Variants in FHIT observed in about 807,000 individuals in gnomAD.
FHIT encodes the protein bis(5'-adenosyl)-triphosphatase.
Under a neutral mutation model 17.9 loss-of-function variants are expected in FHIT, and 19 were observed. The ratio of observed to expected loss-of-function variants is 1.06; its 90% confidence interval spans 0.74 to 1.56. The LOEUF (loss-of-function observed/expected upper bound fraction) is 1.56. FHIT is among the 40% of genes most tolerant of loss of function. The pLI is 0.00. For missense variants in FHIT, 248 were observed against 189.2 expected, an observed-to-expected ratio of 1.31 and a Z score of -1.82; for synonymous variants, 81 against 69.7, an observed-to-expected ratio of 1.16 and a Z score of -0.81.
chr3:59,836,542 C>T (rs900181687), intron 8 of FHIT, among the ~76,000 whole-genome samples: 1 of 152,142 alleles, frequency 6.6e-6, no homozygotes, highest in African/African-American at 2.4e-5. Flanking sequence ...CTTGGCCCTG[C>T]GGTTTGCCTT....
intron 7 of FHIT, among the ~76,000 whole-genome samples, chr3:59,971,314 G>C (rs1046185011): frequency 6.6e-6 from 1 of 152,088 alleles, no homozygotes; most frequent in Non-Finnish European, 1.5e-5. Flanking sequence ...TCTCAAAAAT[G>C]TGAACACACA....
chr3:60,593,735 C>G (rs2038169120), intron 4 of FHIT, among the ~76,000 whole-genome samples: 1 of 152,036 alleles, frequency 6.6e-6, no homozygotes. Flanking sequence ...AGGTACAGCT[C>G]TTTTAGGAAC....
intron 4 of FHIT, among the ~76,000 whole-genome samples, chr3:60,680,437 T>A (rs936049741): frequency 6.6e-6 from 1 of 152,168 alleles, no homozygotes; most frequent in Admixed American, 6.5e-5. Flanking sequence ...CTTTTTATAT[T>A]TCATATTAAT....
chr3:60,140,847 G>A (rs1377971351), intron 5 of FHIT, among the ~76,000 whole-genome samples: 1 of 152,002 alleles, frequency 6.6e-6, no homozygotes, highest in African/African-American at 2.4e-5. Flanking sequence ...CAAAGTGCTG[G>A]GATTACAGGC....
chr3:60,852,650 T>C (rs1194240176), intron 3 of FHIT, among the ~76,000 whole-genome samples: 19 of 151,972 alleles, frequency 1.3e-4, no homozygotes, highest in African/African-American at 4.1e-4. Context: ...ATATTAAAAT[T>C]TAATGTATCA....
intron 8 of FHIT, among the ~76,000 whole-genome samples, chr3:59,851,207 T>TG (rs36032107): frequency 0.97 from 147,017 of 152,214 alleles, 71,062 homozygotes; most frequent in East Asian, 1. Context: ...AGTAGAGTGG[T>TG]GTAATCCTCA....
At chr3:60,082,852 T>C (rs778033449) in intron 5 of FHIT, among the ~76,000 whole-genome samples, 25 of 152,168 alleles carry the variant, frequency 1.6e-4, no homozygotes, top group Non-Finnish European at 2.9e-4. Context: ...TGAAGTTCCA[T>C]ATAGATTCTG....
At chr3:59,877,301 G>A (rs551457263) in intron 8 of FHIT, among the ~76,000 whole-genome samples, 22 of 152,184 alleles carry the variant, frequency 1.4e-4, no homozygotes, top group Admixed American at 1.0e-3. Flanking sequence ...ATTCTTTCAG[G>A]TTTTTCCTAA....
At chr3:60,068,311 T>C (rs1420802183) in intron 5 of FHIT, among the ~76,000 whole-genome samples, 1 of 152,216 alleles carries the variant, frequency 6.6e-6, no homozygotes, top group East Asian at 1.9e-4. Flanking sequence ...TGAAAATGTT[T>C]GCTTTCCCAA....
At chr3:60,381,948 A>G (rs1040048351) in intron 5 of FHIT, among the ~76,000 whole-genome samples, 8 of 148,228 alleles carry the variant, frequency 5.4e-5, no homozygotes, top group Admixed American at 2.7e-4. Flanking sequence ...TGGTAACTAC[A>G]AGTAGGTATT....
intron 5 of FHIT, among the ~76,000 whole-genome samples, chr3:60,028,052 A>G (rs1302861082): frequency 6.6e-6 from 1 of 152,170 alleles, no homozygotes; most frequent in African/African-American, 2.4e-5. Context: ...TAGCTATTAC[A>G]TTGTACAGTT....
intron 4 of FHIT, among the ~76,000 whole-genome samples, chr3:60,745,603 G>C (rs549366000): frequency 6.6e-6 from 1 of 152,276 alleles, no homozygotes; most frequent in Non-Finnish European, 1.5e-5. Context: ...GGTAGATCCA[G>C]GTAGACCAAG....
intron 4 of FHIT, among the ~76,000 whole-genome samples, chr3:60,768,473 A>C (rs57203484): frequency 0.39 from 59,558 of 152,084 alleles, 11,978 homozygotes; most frequent in Non-Finnish European, 0.42. Context: ...TTTAGTATCT[A>C]CGGTGGCCAA....
chr3:61,239,468 A>G (rs1413138883), intron 1 of FHIT, among the ~76,000 whole-genome samples: 3 of 151,896 alleles, frequency 2.0e-5, no homozygotes, highest in Admixed American at 1.3e-4. Flanking sequence ...GCTCCCTCTC[A>G]TCCTTTACTT....
intron 5 of FHIT, among the ~76,000 whole-genome samples, chr3:60,080,437 C>G (rs1201525244): frequency 1.3e-5 from 2 of 152,046 alleles, no homozygotes; most frequent in African/African-American, 4.8e-5. Flanking sequence ...AAAATATTTG[C>G]ATATTAGAGC....
At chr3:60,649,222 C>G (rs1386031968) in intron 4 of FHIT, among the ~76,000 whole-genome samples, 2 of 151,910 alleles carry the variant, frequency 1.3e-5, no homozygotes, top group Non-Finnish European at 2.9e-5. Flanking sequence ...ACGGTGAAAC[C>G]CCGTCTCTAC....
chr3:59,796,761 G>A (rs1479203457), intron 8 of FHIT, among the ~76,000 whole-genome samples: 1 of 152,196 alleles, frequency 6.6e-6, no homozygotes, highest in Non-Finnish European at 1.5e-5. Flanking sequence ...CAAGACTGCA[G>A]TATTCTCAGT....
At chr3:60,711,012 G>A (rs1028931214) in intron 4 of FHIT, among the ~76,000 whole-genome samples, 4 of 152,182 alleles carry the variant, frequency 2.6e-5, no homozygotes, top group Admixed American at 6.5e-5. Flanking sequence ...CAGCCTAACA[G>A]GGAGGCACCC....
intron 4 of FHIT, among the ~76,000 whole-genome samples, chr3:60,680,879 T>C (rs1716739): frequency 0.87 from 132,417 of 152,150 alleles, 58,313 homozygotes; most frequent in Non-Finnish European, 0.94. Flanking sequence ...AATCCCCAAA[T>C]TGTTGAGAAA....
Sources: gnomAD v4.1 joint callset for allele counts (sites outside exome capture counted in the v4.1 genomes callset) on GRCh38, gnomAD v4.1.1 for gene constraint, MANE v1.5 for transcripts, NCBI Gene and HGNC (gene_info 2026-07-23, HGNC 2026-07-21) for gene names.